The following EIF3B variants were observed in gnomAD, a reference collection of about 807,000 sequenced individuals.
EIF3B encodes eukaryotic translation initiation factor 3 subunit B.
Under a neutral mutation model 104.6 loss-of-function variants are expected in EIF3B, and 10 were observed. That is an observed-to-expected ratio of 0.10 (90% CI 0.06 to 0.16). The LOEUF (loss-of-function observed/expected upper bound fraction) is 0.16. EIF3B is among the 10% of genes least tolerant of loss of function. The probability of loss-of-function intolerance (pLI) is 1.00; values close to 1 mark genes in which losing one functional copy is unlikely to be tolerated. For synonymous variants in EIF3B, 542 were observed against 417.2 expected (o/e 1.30, Z -3.65); for missense variants, 1,014 against 1,087.9 (o/e 0.93, Z 0.96).
chr7:2,366,619 C>CCCGT (rs1379696162), intron 8 of EIF3B, 28 bp downstream of exon 8: 1 of 1,612,584 alleles, frequency 6.2e-7, no homozygotes, highest in Non-Finnish European at 8.5e-7. Context: ...TGGCAAACGC[C>CCCGT]CCGTCCGGTC....
chr7:2,363,135 G>A lies in EIF3B; in HGVS notation c.870+8G>A. On this transcript the variant is annotated splice_region_variant and intron_variant, in intron 4 of 18. Transcript: ENST00000360876. ...CAGCCTTTCAAAGACCTGGTGAGTG[G>A]CCTGAAACCTACATCTCAGTGGTTT... The A allele has an allele frequency of 6.2e-7, 1 of 1,613,672 alleles. No individual in the cohort carries two copies. The highest frequency in any genetic ancestry group is 8.5e-7 in the Non-Finnish European group (1 of 1,179,740).
At chr7:2,379,906 G>C in intron 18 of EIF3B, 1 of 260,696 alleles carries the variant, frequency 3.8e-6, no homozygotes, top group Non-Finnish European at 7.6e-6. Context: ...TGAGACAAGA[G>C]CCTTCCAAGT....
At chr7:2,366,214 A>G in intron 6 of EIF3B, 103 bp from the exon 7 acceptor site, 2 of 1,278,564 alleles carry the variant, frequency 1.6e-6, no homozygotes, top group South Asian at 3.0e-5. Flanking sequence ...GTTTGGGGAG[A>G]GAGCTGGTTC....
At chr7:2,378,206 T>A (rs1780770397) in intron 15 of EIF3B, 1 of 145,456 alleles carries the variant, frequency 6.9e-6, no homozygotes, top group Non-Finnish European at 1.5e-5. Flanking sequence ...TGGGAAGCCG[T>A]GTTGTGTGAA....
intron 14 of EIF3B, 93 bp from the exon 15 acceptor site, chr7:2,376,857 C>T (rs966828232): frequency 2.0e-6 from 3 of 1,525,874 alleles, no homozygotes; most frequent in Admixed American, 3.8e-5. Flanking sequence ...CACACGTGTC[C>T]CCGATACCCA....
In EIF3B at chr7:2,357,570, T is replaced by A. The variant is rs191511846; in HGVS notation, c.499+2150T>A. Among the ~76,000 whole-genome samples, 47 of 152,356 alleles carry A rather than the reference T, an allele frequency of 3.1e-4. 3 individuals carry two copies. The highest frequency in any genetic ancestry group is 2.5e-3 in the Admixed American group (39 of 15,304). ...AGCTTCTCAAACTGTAATCATCCTT[T>A]CAGTTTAATGTTTCAGCTGATCCAG... On this transcript the variant is annotated intron_variant, in intron 1 of 18. Transcript: ENST00000360876.
At chr7:2,356,496 T>C (rs551706223) in intron 1 of EIF3B, among the ~76,000 whole-genome samples, 2 of 149,398 alleles carry the variant, frequency 1.3e-5, no homozygotes, top group East Asian at 3.9e-4. Flanking sequence ...CCAGCTACTC[T>C]GGAGGCTGAG....
chr7:2,370,290 C>T (rs1029226129), intron 10 of EIF3B, among the ~76,000 whole-genome samples: 6 of 152,068 alleles, frequency 3.9e-5, no homozygotes, highest in South Asian at 2.1e-4. Flanking sequence ...TTCTGGCCAA[C>T]GTGGTGTGAA....
intron 10 of EIF3B, 74 bp from the exon 11 acceptor site, chr7:2,371,703 T>C: frequency 1.7e-6 from 2 of 1,183,968 alleles, no homozygotes; most frequent in Non-Finnish European, 1.3e-6. Context: ...ATTGTGACGT[T>C]GATCTTTGAT....
chr7:2,371,151 C>T (rs1346425919), intron 10 of EIF3B, among the ~76,000 whole-genome samples: 1 of 152,228 alleles, frequency 6.6e-6, no homozygotes. Context: ...CCTGGCATCA[C>T]GAATGTCTAT....
chr7:2,354,767 C>G (rs1330388059), upstream of EIF3B: 1 of 680,374 alleles, frequency 1.5e-6, no homozygotes, highest in Non-Finnish European at 1.9e-6. Flanking sequence ...TCGTGAGGCC[C>G]CAGGGCGTGG....
chr7:2,376,845 T>C, intron 14 of EIF3B, 105 bp from the exon 15 acceptor site: 1 of 1,498,024 alleles, frequency 6.7e-7, no homozygotes, highest in East Asian at 2.3e-5. Context: ...CTTTGTTTGC[T>C]TCACACGTGT....
chr7:2,362,986 A>C, intron 3 of EIF3B, 84 bp from the exon 4 acceptor site: 1 of 1,539,686 alleles, frequency 6.5e-7, no homozygotes, highest in Non-Finnish European at 9.0e-7. Context: ...AGGCAGGAGC[A>C]CAGCAGGGCC....
In EIF3B at chr7:2,367,825, A is replaced by ATTT. The variant is rs71026506; in HGVS notation, c.1403+812_1403+814dup. Among the ~76,000 whole-genome samples, 504 of 60,280 alleles carry ATTT rather than the reference A, an allele frequency of 8.4e-3. 11 individuals carry two copies. Among genetic ancestry groups the ATTT allele is most frequent in the East Asian group, 0.013 (21 of 1,622 alleles). 39.5% of individuals were successfully genotyped at this position (60,280 alleles called of 152,430 possible). ...ACGGTGAGTTTGTTCTTTTTTTAAA[A>ATTT]TTTTTTTTTTTTTTTTTTTTTTTTT... On this transcript the variant is annotated intron_variant, in intron 9 of 18. Transcript: ENST00000360876.
intron 11 of EIF3B, among the ~76,000 whole-genome samples, chr7:2,372,374 C>T (rs1401042508): frequency 1.3e-5 from 2 of 152,172 alleles, no homozygotes; most frequent in African/African-American, 4.8e-5. Flanking sequence ...ACACTGGGTG[C>T]GAGGGAAGCG....
intron 4 of EIF3B, 30 bp from the exon 5 acceptor site, chr7:2,363,602 A>G: frequency 6.4e-7 from 1 of 1,569,480 alleles, no homozygotes; most frequent in Non-Finnish European, 8.6e-7. Flanking sequence ...AAATTAATGA[A>G]ATGTTATATT....
intron 16 of EIF3B, 58 bp from the exon 17 acceptor site, chr7:2,379,076 T>C (rs969641963): frequency 6.7e-7 from 1 of 1,503,070 alleles, no homozygotes; most frequent in African/African-American, 1.4e-5. Flanking sequence ...TGTGGGCTCT[T>C]CGCGATGGGG....
In EIF3B at chr7:2,365,914, G is replaced by C. The variant is rs144056502; in HGVS notation, c.1158-403G>C. On this transcript the variant is annotated intron_variant, in intron 6 of 18. Coordinates refer to ENST00000360876, the MANE Select transcript of EIF3B (RefSeq NM_001037283.2). ...TTGGCCAAGCTTGTCTTAAACTCCG[G>C]ACCTTGGGTGATCCACCCACCTCGG... 6.6e-3 allele frequency among the ~76,000 whole-genome samples: 1,007 copies of C among 152,122 alleles called. 9 individuals are homozygous for C. Among genetic ancestry groups the C allele is most frequent in the African/African-American group, 0.023 (966 of 41,480 alleles).
chr7:2,366,886 G>T (rs1780055506), intron 8 of EIF3B, 113 bp from the exon 9 acceptor site: 3 of 1,144,348 alleles, frequency 2.6e-6, no homozygotes, highest in Non-Finnish European at 3.9e-6. Flanking sequence ...TGTGTGCACT[G>T]CCCCCTAGGC....
Sources: gnomAD v4.1 joint callset for allele counts (sites outside exome capture counted in the v4.1 genomes callset) on GRCh38, gnomAD v4.1.1 for gene constraint, MANE v1.5 for transcripts, NCBI Gene and HGNC (gene_info 2026-07-23, HGNC 2026-07-21) for gene names.